ABCA12: variants seen among roughly 807,000 people sequenced by gnomAD.
ABCA12 encodes the protein glucosylceramide transporter ABCA12.
A neutral mutation model predicts 293.5 loss-of-function variants in ABCA12; 156 were observed. The observed-to-expected ratio is 0.53, with a 90% CI of 0.47 to 0.61. The LOEUF (loss-of-function observed/expected upper bound fraction) is 0.61, where lower values mean the gene tolerates loss of function less well. ABCA12 is among the 20% of genes least tolerant of loss of function. ABCA12 has a pLI of 0.00. For missense variants in ABCA12, 2,797 were observed against 3,090.2 expected, an observed-to-expected ratio of 0.91 and a Z score of 2.25; for synonymous variants, 1,063 against 1,108.0, an observed-to-expected ratio of 0.96 and a Z score of 0.81.
intron 11 of ABCA12, among the ~76,000 whole-genome samples, chr2:215,024,982 T>C (rs753577743): frequency 5.3e-5 from 8 of 152,184 alleles, no homozygotes; most frequent in Non-Finnish European, 1.2e-4. Flanking sequence ...AATTTTAATA[T>C]AAATTATTCA....
At chr2:214,943,537 G>T (rs1441293382) in intron 49 of ABCA12, among the ~76,000 whole-genome samples, 1 of 152,048 alleles carries the variant, frequency 6.6e-6, no homozygotes, top group African/African-American at 2.4e-5. Flanking sequence ...TTCAGATAGG[G>T]TTTATTACTG....
rs533532758 is a variant in ABCA12 at position 214,983,540 on chromosome 2, C to T, written c.4382+107G>A. ...TAGAAAAACTAAAAAGTAATTATTTCGTGAGAAAATATTTCCTATTGGTAT... is the reference window on the plus strand; with the variant it reads ...TAGAAAAACTAAAAAGTAATTATTTTGTGAGAAAATATTTCCTATTGGTAT... On this transcript the variant is annotated intron_variant, in intron 29 of 52. Coordinates refer to ENST00000272895, the MANE Select transcript of ABCA12 (RefSeq NM_173076.3). 53 of 989,300 alleles carry T rather than the reference C, an allele frequency of 5.4e-5. No individual in the cohort carries two copies. The East Asian group carries it at 7.2e-4, about 13-fold the overall frequency. 61.3% of individuals were successfully genotyped at this position (989,300 alleles called of 1,614,324 possible). A position where few individuals can be genotyped will look rare whatever the true frequency, so the allele number is the denominator to read the frequency against.
chr2:214,985,490 A>C (rs1216684418), intron 28 of ABCA12, among the ~76,000 whole-genome samples: 2 of 152,114 alleles, frequency 1.3e-5, no homozygotes, highest in African/African-American at 4.8e-5. Flanking sequence ...ATAATCTGTA[A>C]AACAAACCCT....
intron 8 of ABCA12, among the ~76,000 whole-genome samples, chr2:215,033,143 T>C (rs559046047): frequency 6.6e-6 from 1 of 152,318 alleles, no homozygotes; most frequent in African/African-American, 2.4e-5. Context: ...ATTATTGCTC[T>C]AATAACAGTA....
chr2:214,963,505 T>C (rs980653160), intron 39 of ABCA12, among the ~76,000 whole-genome samples: 1 of 149,744 alleles, frequency 6.7e-6, no homozygotes, highest in African/African-American at 2.5e-5. Flanking sequence ...GCTGGTACAA[T>C]GTCTGCTAAA....
intron 10 of ABCA12, 134 bp downstream of exon 10, chr2:215,026,686 C>A: frequency 1.3e-6 from 1 of 777,494 alleles, no homozygotes. Flanking sequence ...AATCACCAGA[C>A]TGAAACTGAT....
rs1398969371 is a variant in ABCA12 at position 215,089,193 on chromosome 2, C to CT, written c.163+22403dup. ...AGTTTTAGCTATGGCTCAAGTTTTG[C>CT]TTTATTTTTTTTTCCCAGGCCTTAT... On this transcript the variant is annotated intron_variant, in intron 2 of 52. Coordinates refer to ENST00000272895, the MANE Select transcript of ABCA12 (RefSeq NM_173076.3). Among the ~76,000 whole-genome samples the CT allele has an allele frequency of 1.7e-3, 254 of 146,608 alleles. 1 individual carries two copies. The highest frequency in any genetic ancestry group is 2.0e-3 in the Non-Finnish European group (130 of 66,240).
intron 39 of ABCA12, among the ~76,000 whole-genome samples, chr2:214,965,765 A>G (rs115528190): frequency 0.59 from 89,166 of 151,982 alleles, 27,466 homozygotes; most frequent in African/African-American, 0.79. Flanking sequence ...AAAAAGGAGC[A>G]CTTTTACACT....
intron 3 of ABCA12, among the ~76,000 whole-genome samples, chr2:215,062,627 T>G (rs934816747): frequency 3.3e-5 from 5 of 152,026 alleles, no homozygotes; most frequent in African/African-American, 9.7e-5. Flanking sequence ...GTTAGCTGAC[T>G]TTTTGCTCTT....
At chr2:215,067,877 T>C (rs1454684506) in intron 2 of ABCA12, among the ~76,000 whole-genome samples, 1 of 152,194 alleles carries the variant, frequency 6.6e-6, no homozygotes, top group African/African-American at 2.4e-5. Flanking sequence ...AACTCAACTT[T>C]AAAGTAAATC....
intron 1 of ABCA12, among the ~76,000 whole-genome samples, chr2:215,122,795 T>G (rs1298587311): frequency 6.6e-6 from 1 of 152,198 alleles, no homozygotes; most frequent in Admixed American, 6.5e-5. Context: ...CCATCTTCTT[T>G]TTTAAAAATT....
At chr2:215,094,641 T>C (rs1702213947) in intron 2 of ABCA12, among the ~76,000 whole-genome samples, 1 of 152,206 alleles carries the variant, frequency 6.6e-6, no homozygotes, top group African/African-American at 2.4e-5. Flanking sequence ...CATCCTTAGC[T>C]ACCTTCCCCT....
At chr2:215,101,577 T>C (rs1381132230) in intron 2 of ABCA12, among the ~76,000 whole-genome samples, 4 of 152,208 alleles carry the variant, frequency 2.6e-5, no homozygotes, top group African/African-American at 9.6e-5. Context: ...GTGATTTCTG[T>C]ATTATTTGCT....
At position 214,974,852 on chromosome 2, in the gene ABCA12, C is replaced by T. The variant is rs1456385655; in HGVS notation, c.5394G>A (p.Pro1798=). The change falls in exon 35 of 53, where the codon CCG becomes CCA. Residue 1798 remains proline, a synonymous_variant. Transcript: ENST00000272895. ...TTGCTGAGACAAGTGCTTCCGTGCT[C>T]GGGTGATAATTACTGCAATATGAAA... ...EQTAFYANYH[P]STEALVSAMW... 7 of 1,613,924 alleles carry T rather than the reference C, an allele frequency of 4.3e-6. No homozygotes were observed. The highest frequency in any genetic ancestry group is 1.7e-5 in the Admixed American group (1 of 60,018).
intron 1 of ABCA12, among the ~76,000 whole-genome samples, chr2:215,133,012 T>C (rs1703093960): frequency 6.6e-6 from 1 of 151,994 alleles, no homozygotes; most frequent in Admixed American, 6.6e-5. Context: ...AAATTCCAGC[T>C]GGCATTTTTT....
At chr2:214,988,727 C>T (rs1174920950) in intron 26 of ABCA12, among the ~76,000 whole-genome samples, 1 of 152,096 alleles carries the variant, frequency 6.6e-6, no homozygotes, top group Admixed American at 6.5e-5. Flanking sequence ...TGATTTGACA[C>T]TATTCTAAGC....
chr2:215,124,408 A>G (rs1220334049), intron 1 of ABCA12, among the ~76,000 whole-genome samples: 2 of 152,176 alleles, frequency 1.3e-5, no homozygotes, highest in East Asian at 3.8e-4. Context: ...TAGTGGCTGT[A>G]CTAGTTTACA....
At chr2:215,083,404 C>T (rs1405125621) in intron 2 of ABCA12, among the ~76,000 whole-genome samples, 3 of 152,024 alleles carry the variant, frequency 2.0e-5, no homozygotes, top group Non-Finnish European at 2.9e-5. Context: ...GGGTTCAGTA[C>T]GAAGGTATCA....
chr2:214,981,411 C>T (rs1321529467), intron 30 of ABCA12, among the ~76,000 whole-genome samples: 3 of 152,266 alleles, frequency 2.0e-5, no homozygotes, highest in African/African-American at 7.2e-5. Context: ...CACATCCTGT[C>T]AGCACTTACT....
Sources: gnomAD v4.1 joint callset for allele counts (sites outside exome capture counted in the v4.1 genomes callset) on GRCh38, gnomAD v4.1.1 for gene constraint, MANE v1.5 for transcripts, NCBI Gene and HGNC (gene_info 2026-07-23, HGNC 2026-07-21) for gene names.